The following ASIC2 variants were observed in gnomAD, a reference collection of about 807,000 sequenced individuals.
ASIC2 encodes acid-sensing ion channel 2.
In ASIC2, 25 loss-of-function variants were observed where a neutral mutation model predicts 57.3. The ratio of observed to expected loss-of-function variants is 0.44; its 90% confidence interval spans 0.32 to 0.61. ASIC2 has a LOEUF of 0.61. ASIC2 is among the 20% of genes least tolerant of loss of function. The probability of loss-of-function intolerance (pLI) is 0.06; values close to 1 mark genes in which losing one functional copy is unlikely to be tolerated. For missense variants in ASIC2, 641 were observed against 738.1 expected, an observed-to-expected ratio of 0.87 and a Z score of 1.52; for synonymous variants, 319 against 307.5, an observed-to-expected ratio of 1.04 and a Z score of -0.39.
intron 1 of ASIC2, among the ~76,000 whole-genome samples, chr17:33,891,730 A>G (rs1914963480): frequency 6.6e-6 from 1 of 152,188 alleles, no homozygotes; most frequent in South Asian, 2.1e-4. Context: ...CACTAATCCT[A>G]CTGCTGGCTT....
chr17:34,138,738 G>A (rs1912190955), intron 1 of ASIC2, among the ~76,000 whole-genome samples: 1 of 152,194 alleles, frequency 6.6e-6, no homozygotes. Context: ...GACTACGGCT[G>A]AGTGGAGTCC....
At chr17:33,968,694 G>A (rs1015643110) in intron 1 of ASIC2, among the ~76,000 whole-genome samples, 7 of 152,198 alleles carry the variant, frequency 4.6e-5, no homozygotes, top group African/African-American at 1.4e-4. Context: ...GCGCCCATCT[G>A]CCAGTGTGCG....
chr17:33,721,889 G>A lies in ASIC2; in HGVS notation c.555+434089C>T, dbSNP rs149999438. Among the ~76,000 whole-genome samples, 125 of 152,314 alleles carry A rather than the reference G, an allele frequency of 8.2e-4. 1 individual carries two copies. Among genetic ancestry groups the A allele is most frequent in the Middle Eastern group, 3.4e-3 (1 of 294 alleles). ...GAGCTGCAAGAAGGCCAGTGTGGCT[G>A]GGTCAAAGTGAGTGACAAGGCGAGA... On this transcript the variant is annotated intron_variant, in intron 1 of 9. Coordinates refer to the ASIC2 transcript ENST00000359872.
At chr17:33,205,746 T>G (rs1230577179) in intron 1 of ASIC2, among the ~76,000 whole-genome samples, 1 of 152,182 alleles carries the variant, frequency 6.6e-6, no homozygotes, top group Non-Finnish European at 1.5e-5. Flanking sequence ...TGATATGACA[T>G]CATTTCTTCC....
intron 3 of ASIC2, among the ~76,000 whole-genome samples, chr17:33,058,592 G>T (rs1299224204): frequency 6.6e-6 from 1 of 151,944 alleles, no homozygotes; most frequent in Admixed American, 6.6e-5. Flanking sequence ...CTGCTGGCAG[G>T]CCCTGGTTTT....
intron 1 of ASIC2, among the ~76,000 whole-genome samples, chr17:34,016,795 A>T (rs1236987354): frequency 1.3e-5 from 2 of 152,210 alleles, no homozygotes; most frequent in Non-Finnish European, 2.9e-5. Context: ...TATTTGTATC[A>T]TGTTTATATG....
intron 1 of ASIC2, among the ~76,000 whole-genome samples, chr17:34,054,291 A>G (rs1908679032): frequency 6.6e-6 from 1 of 152,102 alleles, no homozygotes; most frequent in African/African-American, 2.4e-5. Context: ...CTACAATATC[A>G]TTTTACCTGG....
intron 3 of ASIC2, among the ~76,000 whole-genome samples, chr17:33,053,872 C>T (rs1814999826): frequency 6.6e-6 from 1 of 152,176 alleles, no homozygotes; most frequent in Admixed American, 6.5e-5. Context: ...TTCAACATGA[C>T]TGGCAGTTAG....
chr17:33,291,133 A>T, intron 1 of ASIC2: 3 of 554,786 alleles, frequency 5.4e-6, no homozygotes, highest in South Asian at 4.0e-5. Context: ...GACCATAAGG[A>T]GTAGAATGAG....
chr17:33,275,002 C>T (rs1306408394), intron 1 of ASIC2, among the ~76,000 whole-genome samples: 1 of 152,132 alleles, frequency 6.6e-6, no homozygotes, highest in African/African-American at 2.4e-5. Flanking sequence ...ACTCCCCATG[C>T]CTCCTCACCA....
At chr17:33,722,631 C>T (rs1211149971) in intron 1 of ASIC2, among the ~76,000 whole-genome samples, 1 of 151,452 alleles carries the variant, frequency 6.6e-6, no homozygotes, top group African/African-American at 2.4e-5. Flanking sequence ...ATTAGCCAGG[C>T]CTGGTGGCAC....
chr17:33,308,393 G>C (rs1194461521), intron 1 of ASIC2, among the ~76,000 whole-genome samples: 1 of 152,158 alleles, frequency 6.6e-6, no homozygotes, highest in Admixed American at 6.5e-5. Flanking sequence ...AAGACTTTCT[G>C]TGTTATGCTC....
intron 1 of ASIC2, among the ~76,000 whole-genome samples, chr17:34,129,929 T>G (rs1911901311): frequency 6.6e-6 from 1 of 152,062 alleles, no homozygotes; most frequent in Non-Finnish European, 1.5e-5. Flanking sequence ...TCCACTGAGC[T>G]GGGAGGGATG....
chr17:33,929,411 AC>A (rs1473618634), intron 1 of ASIC2, among the ~76,000 whole-genome samples: 5 of 152,158 alleles, frequency 3.3e-5, no homozygotes, highest in Admixed American at 2.0e-4. Context: ...TCACTCACCA[AC>A]CTCATTTAGG....
intron 1 of ASIC2, among the ~76,000 whole-genome samples, chr17:33,759,233 C>T (rs962063312): frequency 6.6e-6 from 1 of 152,172 alleles, no homozygotes; most frequent in Non-Finnish European, 1.5e-5. Flanking sequence ...TGGCAAAGAG[C>T]TTGGCTGAAC....
At chr17:33,831,106 CAAAAAAAAAAAAAAAAAAA>C (rs56841196) in intron 1 of ASIC2, among the ~76,000 whole-genome samples, 2 of 22,964 alleles carry the variant, frequency 8.7e-5, no homozygotes, top group African/African-American at 1.8e-4. Flanking sequence ...AAGGCTCTGT[CAAAAAAAAAAAAAAAAAAA>C]AAAAAAAAAA....
At chr17:34,112,967 T>C (rs1208907351) in intron 1 of ASIC2, among the ~76,000 whole-genome samples, 1 of 152,100 alleles carries the variant, frequency 6.6e-6, no homozygotes, top group Non-Finnish European at 1.5e-5. Context: ...TCAAGTAGAT[T>C]GGGGAGTGAG....
intron 1 of ASIC2, among the ~76,000 whole-genome samples, chr17:33,639,594 C>T (rs576329978): frequency 1.3e-5 from 2 of 152,160 alleles, no homozygotes; most frequent in South Asian, 4.2e-4. Context: ...GGGGCAGGAG[C>T]TGTTAATCCT....
chr17:33,956,459 C>T (rs12936122), intron 1 of ASIC2, among the ~76,000 whole-genome samples: 67,892 of 151,930 alleles, frequency 0.45, 15,498 homozygotes, highest in Middle Eastern at 0.53. Context: ...AACCCAATGT[C>T]TCTCTCCACA....
Sources: allele counts gnomAD v4.1 joint callset (sites outside exome capture counted in the v4.1 genomes callset), GRCh38; gene constraint gnomAD v4.1.1; transcripts MANE v1.5; gene names NCBI Gene and HGNC (gene_info 2026-07-23, HGNC 2026-07-21).